ABCB5: variants seen among roughly 807,000 people sequenced by gnomAD.
The protein encoded by ABCB5 is ATP binding cassette subfamily B member 5.
A neutral mutation model predicts 144.2 loss-of-function variants in ABCB5; 155 were observed. The observed-to-expected ratio is 1.08, with a 90% confidence interval of 0.94 to 1.23. The LOEUF (loss-of-function observed/expected upper bound fraction) is 1.23, where lower values mean the gene tolerates loss of function less well. Among genes scored for constraint, ABCB5 ranks in the 50% most tolerant of loss-of-function variants. ABCB5 has a pLI of 0.00. For missense variants in ABCB5, 1,830 were observed against 1,520.8 expected, an observed-to-expected ratio of 1.20 and a Z score of -3.38; for synonymous variants, 610 against 528.6, an observed-to-expected ratio of 1.15 and a Z score of -2.11.
At chr7:20,738,948 T>G (rs753277401) in intron 23 of ABCB5, 35 bp from the exon 24 acceptor site, 2 of 1,540,554 alleles carry the variant, frequency 1.3e-6, no homozygotes, top group Non-Finnish European at 1.7e-6. Flanking sequence ...AAAGGATCGA[T>G]GGACCTAAGA....
intron 13 of ABCB5, among the ~76,000 whole-genome samples, chr7:20,655,234 G>C (rs1400357246): frequency 6.6e-6 from 1 of 152,112 alleles, no homozygotes; most frequent in Non-Finnish European, 1.5e-5. Context: ...CACTTTGGGA[G>C]GCTGAGGCAG....
In ABCB5 at chr7:20,643,486, A is replaced by T; in HGVS notation, c.532A>T (p.Ile178Phe). ...TDDIDKISDG[I>F]GDKIALLFQN... is the part of the protein sequence containing the mutation. ...TGACATTGACAAAATCAGTGATGGT[A>T]TTGGAGATAAGATTGCTCTGTTGTT... The change falls in exon 7 of 28, where the codon ATT (isoleucine) becomes TTT (phenylalanine). Residue 178 changes from isoleucine to phenylalanine, a missense_variant. Ile to Phe is a conservative substitution (Grantham distance 21, BLOSUM62 0). Coordinates refer to ENST00000404938, the MANE Select transcript of ABCB5 (RefSeq NM_001163941.2). The T allele has an allele frequency of 6.2e-7, 1 of 1,614,016 alleles. No homozygotes were observed. Among genetic ancestry groups the T allele is most frequent in the Non-Finnish European group, 8.5e-7 (1 of 1,179,872 alleles).
chr7:20,684,525 A>C (rs1235717214), intron 15 of ABCB5, among the ~76,000 whole-genome samples: 1 of 152,208 alleles, frequency 6.6e-6, no homozygotes, highest in African/African-American at 2.4e-5. Context: ...AGGCTGAGGC[A>C]GGAGGACTGC....
At chr7:20,704,614 C>A in intron 19 of ABCB5, 110 bp from the exon 20 acceptor site, 1 of 697,188 alleles carries the variant, frequency 1.4e-6, no homozygotes, top group South Asian at 1.8e-5. Context: ...GAATTAAGTA[C>A]CTGTGAGTGA....
chr7:20,684,768 T>A (rs1341710320), intron 15 of ABCB5, among the ~76,000 whole-genome samples: 1 of 152,238 alleles, frequency 6.6e-6, no homozygotes, highest in African/African-American at 2.4e-5. Context: ...TTTAAATGAC[T>A]GATTACAGTT....
intron 14 of ABCB5, among the ~76,000 whole-genome samples, chr7:20,668,624 G>T (rs1410032856): frequency 2.1e-5 from 3 of 143,920 alleles, no homozygotes; most frequent in African/African-American, 7.9e-5. Flanking sequence ...CCGGCCAGCC[G>T]CCCCGTCCGG....
At chr7:20,694,816 T>A (rs1786352891) in intron 16 of ABCB5, among the ~76,000 whole-genome samples, 1 of 151,782 alleles carries the variant, frequency 6.6e-6, no homozygotes, top group South Asian at 2.1e-4. Context: ...AAGTGGGAAA[T>A]TAAAAATAAA....
chr7:20,711,156 AT>A (rs1787014375), intron 20 of ABCB5, among the ~76,000 whole-genome samples: 2 of 149,440 alleles, frequency 1.3e-5, no homozygotes, highest in African/African-American at 4.9e-5. Context: ...CATTGTAATT[AT>A]TTTTGCTTAA....
chr7:20,755,966 A>G lies in ABCB5; in HGVS notation c.*342A>G, dbSNP rs1056664767. The stretch of plus-strand genomic sequence containing the variant: ...ATGTTTCCAGGGGGAATATTATCCA[A>G]TTAACCATGTTGAAGGTTTTAGCAA... On this transcript the variant is annotated 3_prime_UTR_variant, in exon 28 of 28. Coordinates refer to ENST00000404938, the MANE Select transcript of ABCB5 (RefSeq NM_001163941.2). The G allele has an allele frequency of 1.8e-5, 5 of 277,400 alleles. No individual in the cohort carries two copies. Among genetic ancestry groups the G allele is most frequent in the Non-Finnish European group, 3.5e-5 (5 of 143,716 alleles). The allele number at this position is 277,400 out of a possible 1,614,324, so 17.2% of individuals were successfully genotyped here. A position where few individuals can be genotyped will look rare whatever the true frequency, so the allele number is the denominator to read the frequency against.
chr7:20,754,868 C>T (rs1783037288), intron 27 of ABCB5, among the ~76,000 whole-genome samples: 1 of 152,150 alleles, frequency 6.6e-6, no homozygotes, highest in South Asian at 2.1e-4. Context: ...GAACCACTAA[C>T]ATATAAACAA....
At chr7:20,682,245 A>G (rs1413806964) in intron 15 of ABCB5, among the ~76,000 whole-genome samples, 1 of 152,210 alleles carries the variant, frequency 6.6e-6, no homozygotes, top group African/African-American at 2.4e-5. Context: ...TGTATGTGGA[A>G]GATACTGTGA....
intron 16 of ABCB5, among the ~76,000 whole-genome samples, chr7:20,692,525 G>A (rs1786265934): frequency 6.6e-6 from 1 of 150,756 alleles, no homozygotes; most frequent in Non-Finnish European, 1.5e-5. Context: ...GATACTAGAT[G>A]GAAATCTGAA....
At chr7:20,748,770 A>G (rs964799656) in intron 26 of ABCB5, among the ~76,000 whole-genome samples, 2 of 152,100 alleles carry the variant, frequency 1.3e-5, no homozygotes, top group African/African-American at 4.8e-5. Context: ...GTGAAGCAAA[A>G]GTCTGAAAGA....
chr7:20,633,054 T>G (rs1042685046), intron 5 of ABCB5, among the ~76,000 whole-genome samples: 4 of 146,424 alleles, frequency 2.7e-5, no homozygotes, highest in African/African-American at 1.1e-4. Context: ...TTCTATTTCT[T>G]TAAACATTAA....
chr7:20,723,133 G>A lies in ABCB5; in HGVS notation c.2539G>A (p.Val847Ile). 1 of 1,614,114 alleles carries A rather than the reference G, an allele frequency of 6.2e-7. No homozygotes were observed. Among genetic ancestry groups the A allele is most frequent in the Non-Finnish European group, 8.5e-7 (1 of 1,180,022 alleles). Residue 847 changes from valine (V) to isoleucine (I), a missense_variant, in exon 21 of 28, where the codon GTA (valine) becomes ATA (isoleucine). Physicochemically the swap from Val to Ile is conservative, Grantham distance 29 (BLOSUM62 3). Coordinates refer to ENST00000404938, the MANE Select transcript of ABCB5 (RefSeq NM_001163941.2). ...ATTCCTGATTCTGAGTATTGCTCCA[G>A]TACTTGCCGTGACAGGAATGATTGA... is the stretch of plus-strand genomic sequence containing the variant. ...MTFLILSIAPVLAVTGMIETA... is the reference protein window; with the variant it reads ...MTFLILSIAPILAVTGMIETA...
At chr7:20,649,866 C>T (rs1784524752) in intron 11 of ABCB5, among the ~76,000 whole-genome samples, 156 bp from the exon 12 acceptor site, 1 of 152,146 alleles carries the variant, frequency 6.6e-6, no homozygotes, top group South Asian at 2.1e-4. Flanking sequence ...ATTATTCAGG[C>T]TATTACTACA....
chr7:20,639,077 A>G (rs969652052), intron 5 of ABCB5, among the ~76,000 whole-genome samples: 68 of 151,346 alleles, frequency 4.5e-4, no homozygotes, highest in African/African-American at 1.6e-3. Context: ...GGGGTATTAT[A>G]ATATGACTTT....
chr7:20,739,223 G>A (rs1782487013), intron 24 of ABCB5, 84 bp downstream of exon 24: 2 of 1,387,796 alleles, frequency 1.4e-6, no homozygotes, highest in Non-Finnish European at 1.9e-6. Flanking sequence ...AGGGAGAGAG[G>A]GGCAAGGGCT....
chr7:20,692,902 T>C (rs895416689), intron 16 of ABCB5, among the ~76,000 whole-genome samples: 13 of 152,094 alleles, frequency 8.5e-5, no homozygotes, highest in African/African-American at 1.9e-4. Context: ...GAACTGCAAA[T>C]AGACAAATCT....
Sources: gnomAD v4.1 joint callset for allele counts (sites outside exome capture counted in the v4.1 genomes callset) on GRCh38, gnomAD v4.1.1 for gene constraint, MANE v1.5 for transcripts, NCBI Gene and HGNC (gene_info 2026-07-23, HGNC 2026-07-21) for gene names.